The following DPF3 variants were observed in gnomAD, a reference collection of about 807,000 sequenced individuals.
DPF3 encodes zinc finger protein DPF3.
Under a neutral mutation model 56.8 loss-of-function variants are expected in DPF3, and 18 were observed. The ratio of observed to expected loss-of-function variants is 0.32; its 90% CI spans 0.22 to 0.47. The LOEUF is 0.47. DPF3 is among the 20% of genes least tolerant of loss of function. The pLI is 1.00. For synonymous variants in DPF3, 188 were observed against 180.2 expected (o/e 1.04, Z -0.35); for missense variants, 403 against 488.8 (o/e 0.82, Z 1.65).
At chr14:72,879,801 T>A (rs551879355) in intron 1 of DPF3, 6 of 1,534,028 alleles carry the variant, frequency 3.9e-6, no homozygotes, top group Non-Finnish European at 5.2e-6. Flanking sequence ...CTGAGGTTCT[T>A]ACCCTAGAGC....
At chr14:72,631,928 G>A (rs1440122372) in intron 8 of DPF3, among the ~76,000 whole-genome samples, 2 of 152,198 alleles carry the variant, frequency 1.3e-5, no homozygotes, top group East Asian at 1.9e-4. Context: ...CAGATGAGAC[G>A]TTAGCTAGGT....
chr14:72,760,334 G>T (rs746145860), intron 2 of DPF3, among the ~76,000 whole-genome samples: 12 of 152,126 alleles, frequency 7.9e-5, no homozygotes, highest in Middle Eastern at 3.2e-3. Flanking sequence ...AGCCAGGCAT[G>T]GTGGCGCATG....
chr14:72,816,053 G>A (rs1883268796), intron 1 of DPF3, among the ~76,000 whole-genome samples: 1 of 152,190 alleles, frequency 6.6e-6, no homozygotes, highest in Admixed American at 6.5e-5. Context: ...CCAAGGTCCA[G>A]GACACAGTGA....
chr14:72,800,034 G>A (rs1229921025), intron 1 of DPF3, among the ~76,000 whole-genome samples: 1 of 152,114 alleles, frequency 6.6e-6, no homozygotes, highest in African/African-American at 2.4e-5. Context: ...TGAGTTTCTT[G>A]CCATTTGCAA....
chr14:72,682,065 T>C (rs904318067), intron 7 of DPF3, among the ~76,000 whole-genome samples: 1 of 151,928 alleles, frequency 6.6e-6, no homozygotes, highest in African/African-American at 2.4e-5. Context: ...AATACAAAAA[T>C]TAGCCAGGTG....
chr14:72,679,057 G>A (rs1887039215), intron 7 of DPF3: 1 of 152,224 alleles, frequency 6.6e-6, no homozygotes, highest in Non-Finnish European at 1.5e-5. Context: ...CAGGCATTCT[G>A]GAAAGGTATC....
intron 3 of DPF3, among the ~76,000 whole-genome samples, chr14:72,745,848 T>C (rs558217428): frequency 1.3e-5 from 2 of 152,292 alleles, no homozygotes; most frequent in African/African-American, 4.8e-5. Flanking sequence ...AAATAAGAGA[T>C]AGTTATTTTA....
intron 1 of DPF3, among the ~76,000 whole-genome samples, chr14:72,880,983 C>G (rs942235759): frequency 6.6e-6 from 1 of 152,226 alleles, no homozygotes; most frequent in Non-Finnish European, 1.5e-5. Context: ...TCTTCACTTC[C>G]TCTTTCAGAT....
intron 7 of DPF3, chr14:72,679,224 C>G (rs1277869855): frequency 2.0e-5 from 3 of 152,270 alleles, no homozygotes; most frequent in Non-Finnish European, 4.4e-5. Flanking sequence ...GAAAGAATGA[C>G]TGGCAGGGAC....
chr14:72,615,877 C>A lies in DPF3; in HGVS notation c.*3420G>T, dbSNP rs1036658692. On this transcript the variant is annotated 3_prime_UTR_variant, in exon 11 of 11. Transcript: ENST00000556509. ...AAAAGCAGGGTTTCAAAAATGCCTA[C>A]AGGAAACAGGATTTCCACTTCCGGT... Among the ~76,000 whole-genome samples the A allele has an allele frequency of 6.6e-5, 10 of 152,272 alleles. No homozygotes were observed. The highest frequency in any genetic ancestry group is 2.4e-4 in the African/African-American group (10 of 41,474).
At chr14:72,662,509 A>G (rs1375506880) in intron 8 of DPF3, 1 of 985,138 alleles carries the variant, frequency 1.0e-6, no homozygotes, top group African/African-American at 1.7e-5. Context: ...TCTACTGTAG[A>G]GTAATTCCAG....
In DPF3 at chr14:72,616,118, T is replaced by C. The variant is rs2803961; in HGVS notation, c.*3179A>G. Among the ~76,000 whole-genome samples, 99,067 of 152,060 alleles carry C rather than the reference T, an allele frequency of 0.65. 33,471 individuals are homozygous for C. Among genetic ancestry groups the C allele is most frequent in the East Asian group, 0.99 (5,112 of 5,180 alleles). On this transcript the variant is annotated 3_prime_UTR_variant, in exon 11 of 11. Coordinates refer to ENST00000556509, the MANE Select transcript of DPF3 (RefSeq NM_001280542.3). Reference sequence around the variant, plus strand: ...GCCAGGATCTTTACCAATGTCACCTTGAATACCTGCAAAGACCATGCTGGA... The same window carrying C: ...GCCAGGATCTTTACCAATGTCACCTCGAATACCTGCAAAGACCATGCTGGA...
chr14:72,719,394 C>T (rs1889075199), intron 5 of DPF3, among the ~76,000 whole-genome samples: 1 of 152,112 alleles, frequency 6.6e-6, no homozygotes, highest in African/African-American at 2.4e-5. Flanking sequence ...GTGGTCCTGA[C>T]ACCAGCAGCT....
intron 1 of DPF3, among the ~76,000 whole-genome samples, chr14:72,874,502 G>A (rs1456678111): frequency 6.6e-6 from 1 of 151,626 alleles, no homozygotes; most frequent in African/African-American, 2.4e-5. Flanking sequence ...GAAAAAGAAA[G>A]AAATTTATTC....
At chr14:72,709,713 G>T (rs955264453) in intron 6 of DPF3, among the ~76,000 whole-genome samples, 1 of 152,040 alleles carries the variant, frequency 6.6e-6, no homozygotes, top group Admixed American at 6.6e-5. Context: ...TCGCATCCTA[G>T]ATCCCAGCTG....
intron 1 of DPF3, among the ~76,000 whole-genome samples, chr14:72,872,541 T>C (rs917696710): frequency 2.6e-5 from 4 of 152,204 alleles, no homozygotes; most frequent in Non-Finnish European, 4.4e-5. Context: ...AAGCTACCAA[T>C]GACTTTCTTC....
intron 1 of DPF3, among the ~76,000 whole-genome samples, chr14:72,873,975 T>C (rs964238429): frequency 4.0e-5 from 6 of 151,250 alleles, no homozygotes; most frequent in African/African-American, 9.7e-5. Flanking sequence ...TAATGTTAAA[T>C]GACGAGTTAA....
chr14:72,652,478 G>A (rs1885942042), intron 8 of DPF3, among the ~76,000 whole-genome samples: 3 of 152,298 alleles, frequency 2.0e-5, no homozygotes, highest in Middle Eastern at 3.4e-3. Context: ...GGCGGGGTAA[G>A]CTGCAGAGAG....
intron 1 of DPF3, among the ~76,000 whole-genome samples, chr14:72,823,416 G>A (rs140262543): frequency 1.6e-3 from 250 of 152,304 alleles, no homozygotes; most frequent in Middle Eastern, 0.01. Flanking sequence ...TGGCGGACGC[G>A]TCCCATCCCA....
Sources: gnomAD v4.1 joint callset for allele counts (sites outside exome capture counted in the v4.1 genomes callset) on GRCh38, gnomAD v4.1.1 for gene constraint, MANE v1.5 for transcripts, NCBI Gene and HGNC (gene_info 2026-07-23, HGNC 2026-07-21) for gene names.